SLC39A9: variants seen among roughly 807,000 people sequenced by gnomAD.
The protein encoded by SLC39A9 is solute carrier family 39 member 9.
SLC39A9 carries 14 observed loss-of-function variants against 28.4 expected under a neutral mutation model. That is an observed-to-expected ratio of 0.49 (90% confidence interval 0.33 to 0.77). SLC39A9 has a LOEUF of 0.77. Among genes scored for constraint, SLC39A9 ranks in the 30% least tolerant of loss-of-function variants. The pLI, the probability that SLC39A9 is intolerant of heterozygous loss-of-function variation, is 0.02. For missense variants in SLC39A9, 283 were observed against 381.1 expected, an observed-to-expected ratio of 0.74 and a Z score of 2.14; for synonymous variants, 119 against 149.6, an observed-to-expected ratio of 0.80 and a Z score of 1.49.
rs1734401689 is a variant in SLC39A9 at position 69,459,189 on chromosome 14, G to C, written c.*596G>C. The C allele has an allele frequency of 1.0e-6, 1 of 985,596 alleles. No individual in the cohort carries two copies. Among genetic ancestry groups the C allele is most frequent in the South Asian group, 4.7e-5 (1 of 21,294 alleles). 61.1% of individuals were successfully genotyped at this position (985,596 alleles called of 1,614,324 possible). ...GAAAGCTCTCTTTATACTCAAAAGA[G>C]ATATCCATTGAAAAGGGATGTCTAG... On this transcript the variant is annotated 3_prime_UTR_variant, in exon 7 of 7. Transcript: ENST00000336643.
intron 2 of SLC39A9, 75 bp downstream of exon 2, chr14:69,424,277 T>G: frequency 9.3e-7 from 1 of 1,076,574 alleles, no homozygotes; most frequent in Non-Finnish European, 1.4e-6. Flanking sequence ...TAGTGGTATG[T>G]TTTCTGAGCA....
Position 69,461,466 on chromosome 14 carries a change from A to ACTAC in SLC39A9, c.*2881_*2884dup, listed in dbSNP as rs1886108030. 1 of 1,391,966 alleles carries ACTAC rather than the reference A, an allele frequency of 7.2e-7. No homozygotes were observed. Among genetic ancestry groups the ACTAC allele is most frequent in the African/African-American group, 1.4e-5 (1 of 69,076 alleles). The allele number at this position is 1,391,966 out of a possible 1,614,324, so 86.2% of individuals were successfully genotyped here. A position where few individuals can be genotyped will look rare whatever the true frequency, so the allele number is the denominator to read the frequency against. On this transcript the variant is annotated 3_prime_UTR_variant, in exon 7 of 7. Coordinates refer to ENST00000336643, the MANE Select transcript of SLC39A9 (RefSeq NM_018375.5). Reference sequence around the variant, plus strand: ...TGGAACGTAGACAGTTGGAAACAGTACTACCTACCTAGAGGTTATGTGTTT... The same window carrying ACTAC: ...TGGAACGTAGACAGTTGGAAACAGTACTACCTACCTACCTAGAGGTTATGTGTTT...
intron 2 of SLC39A9, among the ~76,000 whole-genome samples, chr14:69,425,996 G>A (rs1414862845): frequency 6.6e-6 from 1 of 152,074 alleles, no homozygotes; most frequent in Non-Finnish European, 1.5e-5. Context: ...ATTATCTACC[G>A]TGTGTTAGGT....
At chr14:69,440,668 CTGTTTTGTTT>C (rs753154254) in intron 2 of SLC39A9, among the ~76,000 whole-genome samples, 1 of 151,956 alleles carries the variant, frequency 6.6e-6, no homozygotes, top group African/African-American at 2.4e-5. Flanking sequence ...TTTTGTGAAA[CTGTTTTGTTT>C]TGTTTTGTTT....
intron 2 of SLC39A9, among the ~76,000 whole-genome samples, chr14:69,437,193 G>A (rs1884807796): frequency 1.3e-5 from 2 of 152,062 alleles, no homozygotes; most frequent in African/African-American, 4.8e-5. Context: ...ATTTGCTCTG[G>A]CCAGAAAGAT....
At position 69,454,913 on chromosome 14, in the gene SLC39A9, G is replaced by C; in HGVS notation, c.558+16G>C. The C allele has an allele frequency of 6.2e-7, 1 of 1,607,088 alleles. No homozygotes were observed. Among genetic ancestry groups the C allele is most frequent in the Non-Finnish European group, 8.5e-7 (1 of 1,174,538 alleles). On this transcript the variant is annotated intron_variant, in intron 5 of 6. Coordinates refer to ENST00000336643, the MANE Select transcript of SLC39A9 (RefSeq NM_018375.5). ...GCTACATAAGGTAAGCAACATTTTG[G>C]TGTAAGGTTTGGTATTGAGTGTATT...
chr14:69,427,552 T>C (rs190807825), intron 2 of SLC39A9, among the ~76,000 whole-genome samples: 1 of 152,286 alleles, frequency 6.6e-6, no homozygotes, highest in Non-Finnish European at 1.5e-5. Context: ...ACAGAATAGT[T>C]TTGTCACCCT....
intron 1 of SLC39A9, among the ~76,000 whole-genome samples, chr14:69,409,628 C>G (rs1339507122): frequency 1.3e-5 from 2 of 152,122 alleles, no homozygotes; most frequent in African/African-American, 4.8e-5. Context: ...AGTAGGGGAC[C>G]CTGTGCCCTG....
chr14:69,461,043 TG>T lies in SLC39A9; in HGVS notation c.*2451del, dbSNP rs1425172610. ...GCACATTTCAGTTCCGTTTTCCTCT[TG>T]TTTAAAACTGCCTCTTTAGATGTGG... On this transcript the variant is annotated 3_prime_UTR_variant, in exon 7 of 7. Transcript: ENST00000336643. The T allele has an allele frequency of 5.1e-6, 5 of 985,500 alleles. No individual in the cohort carries two copies. Among genetic ancestry groups the T allele is most frequent in the Non-Finnish European group, 6.0e-6 (5 of 830,092 alleles). 61.0% of individuals were successfully genotyped at this position (985,500 alleles called of 1,614,324 possible).
Position 69,461,889 on chromosome 14 carries a change from A to C in SLC39A9, c.*3296A>C, listed in dbSNP as rs1886126618. On this transcript the variant is annotated 3_prime_UTR_variant, in exon 7 of 7. Coordinates refer to ENST00000336643, the MANE Select transcript of SLC39A9 (RefSeq NM_018375.5). ...TTCATCCAGAACTGCTGCAGTGTTA[A>C]GTGAAAATCCTCTGTAGTTGTTCTG... 2 of 741,858 alleles carry C rather than the reference A, an allele frequency of 2.7e-6. No homozygotes were observed. Among genetic ancestry groups the C allele is most frequent in the Non-Finnish European group, 4.2e-6 (2 of 479,484 alleles). The allele number at this position is 741,858 out of a possible 1,614,324, so 46.0% of individuals were successfully genotyped here. A position where few individuals can be genotyped will look rare whatever the true frequency, so the allele number is the denominator to read the frequency against.
chr14:69,409,430 C>T (rs1283284088), intron 1 of SLC39A9, among the ~76,000 whole-genome samples: 1 of 152,180 alleles, frequency 6.6e-6, no homozygotes, highest in Non-Finnish European at 1.5e-5. Flanking sequence ...CCTCCGCACC[C>T]TGGGCCCAAG....
At chr14:69,446,952 AGAGAGAGAGAGAGAGC>A (rs1594943937) in intron 3 of SLC39A9, among the ~76,000 whole-genome samples, 1 of 147,352 alleles carries the variant, frequency 6.8e-6, no homozygotes, top group Non-Finnish European at 1.5e-5. Flanking sequence ...ATATATAGAG[AGAGAGAGAGAGAGAGC>A]GAGAGAGAGA....
At position 69,459,789 on chromosome 14, in the gene SLC39A9, A is replaced by G. The variant is rs1594958153; in HGVS notation, c.*1196A>G. 1.0e-6 allele frequency: 1 copy of G among 985,244 alleles called. No homozygotes were observed. The highest frequency in any genetic ancestry group is 1.1e-4 in the East Asian group (1 of 8,814). 61.0% of individuals were successfully genotyped at this position (985,244 alleles called of 1,614,324 possible). ...TTTCCCTCTAGCCTCTCCTCGCCACAATTTGCTGCTTACTGCTGGTGTTAA... is the reference window on the plus strand; with the variant it reads ...TTTCCCTCTAGCCTCTCCTCGCCACGATTTGCTGCTTACTGCTGGTGTTAA... On this transcript the variant is annotated 3_prime_UTR_variant, in exon 7 of 7. Coordinates refer to ENST00000336643, the MANE Select transcript of SLC39A9 (RefSeq NM_018375.5).
intron 6 of SLC39A9, among the ~76,000 whole-genome samples, chr14:69,456,482 C>CTCTTT (rs1365170498): frequency 1.3e-5 from 2 of 152,108 alleles, no homozygotes; most frequent in Non-Finnish European, 2.9e-5. Context: ...CACGTTCCTC[C>CTCTTT]TCTTCTCCCA....
chr14:69,455,508 C>T (rs537545828), intron 5 of SLC39A9, among the ~76,000 whole-genome samples: 9 of 152,086 alleles, frequency 5.9e-5, no homozygotes, highest in East Asian at 5.8e-4. Context: ...TTAGTAGAGA[C>T]GGGGTTTCAC....
chr14:69,414,773 T>A (rs528967444), intron 1 of SLC39A9, among the ~76,000 whole-genome samples: 1 of 152,364 alleles, frequency 6.6e-6, no homozygotes, highest in South Asian at 2.1e-4. Flanking sequence ...GATGCCACTT[T>A]CCAGTGAATC....
At chr14:69,445,005 T>C (rs146999612) in intron 3 of SLC39A9, among the ~76,000 whole-genome samples, 54 of 151,790 alleles carry the variant, frequency 3.6e-4, no homozygotes, top group African/African-American at 1.2e-3. Context: ...AAGATTCAGG[T>C]ATCTGTGAAC....
chr14:69,433,827 C>G (rs983017141), intron 2 of SLC39A9, among the ~76,000 whole-genome samples: 1 of 152,032 alleles, frequency 6.6e-6, no homozygotes, highest in African/African-American at 2.4e-5. Context: ...ACTTTGTCGC[C>G]CAGGCTGGGT....
At chr14:69,427,030 A>T (rs1414268490) in intron 2 of SLC39A9, among the ~76,000 whole-genome samples, 4 of 143,286 alleles carry the variant, frequency 2.8e-5, no homozygotes, top group Non-Finnish European at 6.0e-5. Flanking sequence ...TTTTTTTCAG[A>T]CAGGGACTCA....
Sources: allele counts gnomAD v4.1 joint callset (sites outside exome capture counted in the v4.1 genomes callset), GRCh38; gene constraint gnomAD v4.1.1; transcripts MANE v1.5; gene names NCBI Gene and HGNC (gene_info 2026-07-23, HGNC 2026-07-21).